Variants in PNKD observed in about 807,000 individuals in gnomAD.
PNKD encodes the protein probable thioesterase PNKD.
In PNKD, 36 loss-of-function variants were observed where a neutral mutation model predicts 45.3. That is an observed-to-expected ratio of 0.80 (90% CI 0.61 to 1.05). The LOEUF is 1.05. PNKD is among the 50% of genes least tolerant of loss of function. The pLI is 0.00. For synonymous variants in PNKD, 197 were observed against 210.1 expected (o/e 0.94, Z 0.54); for missense variants, 511 against 506.6 (o/e 1.01, Z -0.08).
Position 218,340,240 on chromosome 2 carries a change from G to T in PNKD, c.465+99G>T, listed in dbSNP as rs1694633581. The T allele has an allele frequency of 1.3e-6, 1 of 773,308 alleles. No individual in the cohort carries two copies. Among genetic ancestry groups the T allele is most frequent in the African/African-American group, 1.7e-5 (1 of 59,432 alleles). The allele number at this position is 773,308 out of a possible 1,614,324, so 47.9% of individuals were successfully genotyped here. On this transcript the variant is annotated intron_variant, in intron 4 of 9. Transcript: ENST00000273077. This position sits in a 1 kb window ranked among gnomAD's most constrained non-coding sequence, Gnocchi z 4.2. ...GCTGACCCTTGTCCGTCTGCCCGTG[G>T]GATGTGTCCCATATGCTCCATGTTC...
At chr2:218,323,442 G>A (rs780250424) in intron 2 of PNKD, 1 of 1,547,080 alleles carries the variant, frequency 6.5e-7, no homozygotes, top group Non-Finnish European at 8.7e-7. Context: ...GTTAGTGCCC[G>A]GGCTCCGAAG....
chr2:218,344,394 T>C (rs750345634), intron 8 of PNKD, 61 bp from the exon 9 acceptor site: 1 of 1,247,782 alleles, frequency 8.0e-7, no homozygotes. Flanking sequence ...CAGGGAAGAC[T>C]GTTCTGACTG....
At chr2:218,297,757 T>A in intron 2 of PNKD, among the ~76,000 whole-genome samples, 1 of 149,718 alleles carries the variant, frequency 6.7e-6, no homozygotes, top group Non-Finnish European at 1.5e-5. Flanking sequence ...CCCAGCACTT[T>A]GAGAGGCCGA....
intron 2 of PNKD, among the ~76,000 whole-genome samples, chr2:218,318,968 T>C (rs1693900368): frequency 6.9e-6 from 1 of 144,422 alleles, no homozygotes; most frequent in Admixed American, 6.9e-5. Flanking sequence ...TTTTTTTTTT[T>C]TTTTGAGACA....
At chr2:218,343,397 G>A in intron 7 of PNKD, 103 bp from the exon 8 acceptor site, 1 of 925,208 alleles carries the variant, frequency 1.1e-6, no homozygotes, top group Non-Finnish European at 1.7e-6. Context: ...AGGGCTGACG[G>A]CCAGCCAGAG....
At chr2:218,276,004 C>T (rs1483693902) in intron 2 of PNKD, 1 of 1,607,100 alleles carries the variant, frequency 6.2e-7, no homozygotes. Context: ...GCTCCCCTTC[C>T]TAGAGTGGGG....
At chr2:218,290,953 C>T (rs1692892415) in intron 2 of PNKD, among the ~76,000 whole-genome samples, 1 of 152,186 alleles carries the variant, frequency 6.6e-6, no homozygotes, top group Non-Finnish European at 1.5e-5. Flanking sequence ...CTGGTCGTCC[C>T]AGTTCAGCCC....
intron 2 of PNKD, among the ~76,000 whole-genome samples, chr2:218,290,415 G>A (rs1222226921): frequency 3.3e-5 from 5 of 152,130 alleles, no homozygotes; most frequent in South Asian, 4.1e-4. Context: ...CTAACTCCTC[G>A]TCTCTTATAA....
intron 2 of PNKD, among the ~76,000 whole-genome samples, chr2:218,336,622 A>C (rs1043411539): frequency 5.9e-5 from 9 of 151,894 alleles, no homozygotes; most frequent in African/African-American, 2.2e-4. Context: ...CTGGGACCAC[A>C]AGTGCATGCC....
intron 2 of PNKD, among the ~76,000 whole-genome samples, chr2:218,302,209 A>G (rs1693290340): frequency 6.6e-6 from 1 of 152,120 alleles, no homozygotes; most frequent in African/African-American, 2.4e-5. Context: ...TTAGCCAGGC[A>G]TGGTGGTGCG....
At chr2:218,334,666 T>C in intron 2 of PNKD, 1 of 701,600 alleles carries the variant, frequency 1.4e-6, no homozygotes, top group African/African-American at 1.7e-5. Flanking sequence ...GAATTATAGA[T>C]TTGCATTTTT....
At position 218,340,969 on chromosome 2, in the gene PNKD, T is replaced by C; in HGVS notation, c.524+183T>C. The C allele has an allele frequency of 3.1e-6, 2 of 643,798 alleles. No individual in the cohort carries two copies. Among genetic ancestry groups the C allele is most frequent in the East Asian group, 2.7e-5 (1 of 36,674 alleles). The allele number at this position is 643,798 out of a possible 1,614,324, so 39.9% of individuals were successfully genotyped here. A position where few individuals can be genotyped will look rare whatever the true frequency, so the allele number is the denominator to read the frequency against. On this transcript the variant is annotated intron_variant, in intron 5 of 9. Coordinates refer to ENST00000273077, the MANE Select transcript of PNKD (RefSeq NM_015488.5). This position sits in a 1 kb window ranked among gnomAD's most constrained non-coding sequence, Gnocchi z 4.2. ...GAGGGGACAGTCTCCCACCACTCCATTGATCAAGCTTCTGAAGCCCCAGAG... is the reference window on the plus strand; with the variant it reads ...GAGGGGACAGTCTCCCACCACTCCACTGATCAAGCTTCTGAAGCCCCAGAG...
chr2:218,330,851 G>A (rs1694296373), intron 2 of PNKD, among the ~76,000 whole-genome samples: 1 of 152,262 alleles, frequency 6.6e-6, no homozygotes, highest in South Asian at 2.1e-4. Flanking sequence ...CTTGCTGACT[G>A]TGCCTGGGAA....
chr2:218,280,352 G>T (rs1442368776), intron 2 of PNKD: 2 of 487,570 alleles, frequency 4.1e-6, no homozygotes, highest in East Asian at 7.9e-5. Context: ...TGCATCTGTG[G>T]AGGGCTCCTG....
At chr2:218,289,634 A>AAC (rs1328154078) in intron 2 of PNKD, among the ~76,000 whole-genome samples, 1 of 150,874 alleles carries the variant, frequency 6.6e-6, no homozygotes, top group African/African-American at 2.4e-5. Context: ...AGAAAAAAAA[A>AAC]AAAAAAAAAA....
chr2:218,273,087 AGGCCCCG>A, intron 2 of PNKD: 1 of 525,474 alleles, frequency 1.9e-6, no homozygotes, highest in Non-Finnish European at 3.1e-6. Context: ...CAACCAGCCT[AGGCCCCG>A]GGCCCTCGGG....
rs369983094 is a variant in PNKD, at chr2:218,271,567, C to T, written c.236+18C>T. On this transcript the variant is annotated intron_variant, in intron 2 of 9. Coordinates refer to ENST00000273077, the MANE Select transcript of PNKD (RefSeq NM_015488.5). ...CTGGCCTGGTGAGTTTTAACCACCC[C>T]TTTGCCCACCAACGGGGCGTGGCTT... The T allele has an allele frequency of 4.3e-6, 7 of 1,609,600 alleles. No homozygotes were observed. In the East Asian group the frequency reaches 6.7e-5, roughly 15 times the overall value.
rs763955641 is a variant in PNKD, at chr2:218,340,771, G to A, written c.509G>A (p.Cys170Tyr). ...KEGVTLVAIL[C>Y]THKHWDHSGG... ...GGGGTCACCTTGGTCGCCATTCTGT[G>A]TACTCACAAGCACTGGTAAGGGGCT... The change falls in exon 5 of 10, where the codon TGT becomes TAT. Residue 170 changes from cysteine (C) to tyrosine (Y), a missense_variant. Physicochemically the swap from Cys to Tyr is radical, Grantham distance 194. Transcript: ENST00000273077. This position sits in a 1 kb window ranked among gnomAD's most constrained non-coding sequence, Gnocchi z 4.2. The A allele has an allele frequency of 1.2e-6, 2 of 1,613,962 alleles. No homozygotes were observed. The highest frequency in any genetic ancestry group is 1.1e-5 in the South Asian group (1 of 91,088).
At chr2:218,277,911 C>T (rs1198901883) in intron 2 of PNKD, 125 of 1,614,000 alleles carry the variant, frequency 7.7e-5, no homozygotes, top group Non-Finnish European at 1.0e-4. Context: ...TCTCCACACC[C>T]TCCTGCCACC....
Sources: allele counts gnomAD v4.1 joint callset (sites outside exome capture counted in the v4.1 genomes callset), GRCh38; gene constraint gnomAD v4.1.1; non-coding constraint Gnocchi (gnomAD v3.1); transcripts MANE v1.5; gene names NCBI Gene and HGNC (gene_info 2026-07-23, HGNC 2026-07-21).